Variants in CACNB2 observed in about 807,000 individuals in gnomAD.
The protein encoded by CACNB2 is calcium voltage-gated channel auxiliary subunit beta 2.
A neutral mutation model predicts 73.3 loss-of-function variants in CACNB2; 42 were observed. The observed-to-expected ratio is 0.57, with a 90% CI of 0.45 to 0.74. The LOEUF is 0.74. Among genes scored for constraint, CACNB2 ranks in the 30% least tolerant of loss-of-function variants. The pLI is 0.00. For missense variants in CACNB2, 940 were observed against 853.0 expected, an observed-to-expected ratio of 1.10 and a Z score of -1.27; for synonymous variants, 348 against 310.3, an observed-to-expected ratio of 1.12 and a Z score of -1.28.
intron 3 of CACNB2, among the ~76,000 whole-genome samples, chr10:18,491,293 A>G (rs1039141259): frequency 6.6e-6 from 1 of 152,200 alleles, no homozygotes; most frequent in Non-Finnish European, 1.5e-5. Flanking sequence ...AACCATAAAA[A>G]TCTGGTAGGG....
At chr10:18,200,995 A>T (rs2034853335) in intron 2 of CACNB2, among the ~76,000 whole-genome samples, 1 of 152,208 alleles carries the variant, frequency 6.6e-6, no homozygotes, top group Admixed American at 6.5e-5. Flanking sequence ...TGGTTTCAAT[A>T]GTATAATAGG....
intron 4 of CACNB2, among the ~76,000 whole-genome samples, chr10:18,500,576 C>G (rs1035608330): frequency 1.3e-5 from 2 of 152,168 alleles, no homozygotes; most frequent in African/African-American, 4.8e-5. Flanking sequence ...GGAATTCAGC[C>G]TGGTCCTACG....
At chr10:18,494,895 T>C (rs2049695247) in intron 3 of CACNB2, among the ~76,000 whole-genome samples, 1 of 151,986 alleles carries the variant, frequency 6.6e-6, no homozygotes, top group African/African-American at 2.4e-5. Flanking sequence ...ACCCTGTCTC[T>C]ACAAAGTTTT....
At chr10:18,417,409 C>T (rs559161060) in intron 3 of CACNB2, among the ~76,000 whole-genome samples, 1 of 123,212 alleles carries the variant, frequency 8.1e-6, no homozygotes, top group African/African-American at 3.3e-5. Context: ...ACTGTTGTTG[C>T]TCAGGCTGGA....
intron 3 of CACNB2, among the ~76,000 whole-genome samples, chr10:18,459,542 G>A (rs1156494494): frequency 1.3e-5 from 2 of 152,180 alleles, no homozygotes; most frequent in Non-Finnish European, 2.9e-5. Flanking sequence ...ACCTGGCTGT[G>A]GTGCTCTATG....
rs766827150 is a variant in CACNB2 at position 18,140,827 on chromosome 10, C to A, written c.91C>A (p.Pro31Thr). ...IQMELLENVAPAGALGAAAQS... is the reference protein window; with the variant it reads ...IQMELLENVATAGALGAAAQS... ...GATGGAACTGCTAGAGAACGTGGCT[C>A]CCGCGGGGGCGCTCGGAGCCGCCGC... is the stretch of plus-strand genomic sequence containing the variant. The change falls in exon 1 of 14, where the codon CCC (proline) becomes ACC (threonine). Residue 31 changes from proline to threonine, a missense_variant. Transcript: ENST00000324631. The A allele has an allele frequency of 2.5e-6, 4 of 1,603,840 alleles. No homozygotes were observed. Among genetic ancestry groups the A allele is most frequent in the Non-Finnish European group, 3.4e-6 (4 of 1,176,754 alleles).
chr10:18,298,555 T>C (rs1017851680), intron 2 of CACNB2, among the ~76,000 whole-genome samples: 2 of 152,044 alleles, frequency 1.3e-5, no homozygotes, highest in African/African-American at 2.4e-5. Context: ...AATCAAGAGG[T>C]GATACAATGT....
intron 3 of CACNB2, among the ~76,000 whole-genome samples, chr10:18,453,297 A>G (rs116425464): frequency 1.9e-4 from 29 of 152,272 alleles, no homozygotes; most frequent in Non-Finnish European, 3.8e-4. Flanking sequence ...AGACAAATCA[A>G]ACTCCTTCTC....
At chr10:18,144,182 A>G (rs1403852800) in intron 1 of CACNB2, among the ~76,000 whole-genome samples, 2 of 151,926 alleles carry the variant, frequency 1.3e-5, no homozygotes, top group Non-Finnish European at 2.9e-5. Context: ...GTTTCAAGCA[A>G]TTTTCCTGCC....
chr10:18,502,901 C>T (rs977311878), intron 5 of CACNB2, among the ~76,000 whole-genome samples: 1 of 151,734 alleles, frequency 6.6e-6, no homozygotes, highest in Non-Finnish European at 1.5e-5. Flanking sequence ...GTACACCAAA[C>T]CCCTGTGACA....
chr10:18,164,175 TGTCAATTGAAG>T (rs1301748799), intron 2 of CACNB2, among the ~76,000 whole-genome samples: 2 of 152,234 alleles, frequency 1.3e-5, no homozygotes, highest in African/African-American at 4.8e-5. Flanking sequence ...TTCTACTAGA[TGTCAATTGAAG>T]GTCACAGGGT....
chr10:18,448,497 A>AAAAAAG (rs1554821520), intron 3 of CACNB2, among the ~76,000 whole-genome samples: 152 of 141,514 alleles, frequency 1.1e-3, no homozygotes, highest in Non-Finnish European at 1.9e-3. Context: ...AAAAAAAAAA[A>AAAAAAG]AAAAGAAAAG....
chr10:18,161,939 TAATAA>T (rs1255735199), intron 2 of CACNB2, among the ~76,000 whole-genome samples: 4 of 151,964 alleles, frequency 2.6e-5, no homozygotes, highest in Non-Finnish European at 4.4e-5. Flanking sequence ...AGAAATAAAA[TAATAA>T]AATAAAATGT....
At chr10:18,436,902 T>C (rs1290607785) in intron 3 of CACNB2, among the ~76,000 whole-genome samples, 1 of 152,238 alleles carries the variant, frequency 6.6e-6, no homozygotes, top group African/African-American at 2.4e-5. Flanking sequence ...AGTCACCTTA[T>C]ATTTGAAATC....
intron 2 of CACNB2, among the ~76,000 whole-genome samples, chr10:18,373,225 AC>A (rs2042661584): frequency 6.6e-6 from 1 of 151,916 alleles, no homozygotes; most frequent in Admixed American, 6.6e-5. Context: ...GCAGAAACTT[AC>A]CCCTCTCCTT....
chr10:18,518,490 C>T, intron 8 of CACNB2, 74 bp downstream of exon 8: 2 of 1,032,232 alleles, frequency 1.9e-6, no homozygotes, highest in Non-Finnish European at 3.1e-6. Context: ...CTACTCCCGA[C>T]CCTCTCTCTG....
At chr10:18,370,597 G>A (rs146304196) in intron 2 of CACNB2, among the ~76,000 whole-genome samples, 52 of 152,186 alleles carry the variant, frequency 3.4e-4, no homozygotes, top group African/African-American at 1.2e-3. Flanking sequence ...ATTGCACCTG[G>A]CCAGAACCCA....
intron 2 of CACNB2, among the ~76,000 whole-genome samples, chr10:18,187,190 A>G (rs1478328018): frequency 6.6e-6 from 1 of 152,174 alleles, no homozygotes; most frequent in East Asian, 1.9e-4. Flanking sequence ...GAGGAAGGCC[A>G]GTGAGTCTGG....
rs533426430 is a variant in CACNB2, at chr10:18,262,135, C to G, written c.213+111160C>G. ...ATTGCTTAACACTGGTTTGACATTC[C>G]TGACTGCAAAACAAATAGAAAATTG... is the stretch of plus-strand genomic sequence containing the variant. On this transcript the variant is annotated intron_variant, in intron 2 of 13. Coordinates refer to ENST00000324631, the MANE Select transcript of CACNB2 (RefSeq NM_201596.3). 9.2e-4 allele frequency among the ~76,000 whole-genome samples: 140 copies of G among 152,224 alleles called. 2 individuals are homozygous for G. Among genetic ancestry groups the G allele is most frequent in the Non-Finnish European group, 1.4e-3 (98 of 68,004 alleles).
Sources: gnomAD v4.1 joint callset for allele counts (sites outside exome capture counted in the v4.1 genomes callset) on GRCh38, gnomAD v4.1.1 for gene constraint, MANE v1.5 for transcripts, NCBI Gene and HGNC (gene_info 2026-07-23, HGNC 2026-07-21) for gene names.